Variants in NCEH1 observed in about 807,000 individuals in gnomAD.
NCEH1 encodes neutral cholesterol ester hydrolase 1, also known as 2-acetyl MAGE hydrolase.
Under a neutral mutation model 25.4 loss-of-function variants are expected in NCEH1, and 9 were observed. The ratio of observed to expected loss-of-function variants is 0.35; its 90% CI spans 0.21 to 0.62. The LOEUF (loss-of-function observed/expected upper bound fraction) is 0.62, where lower values mean the gene tolerates loss of function less well. Ranked by LOEUF, NCEH1 falls within the 20% of genes least tolerant of loss-of-function variation. The pLI is 0.72. For missense variants in NCEH1, 412 were observed against 501.1 expected, an observed-to-expected ratio of 0.82 and a Z score of 1.70; for synonymous variants, 200 against 199.8, an observed-to-expected ratio of 1.00 and a Z score of -0.01.
intron 1 of NCEH1, among the ~76,000 whole-genome samples, chr3:172,695,228 ACTT>A (rs1445367879): frequency 2.0e-5 from 3 of 152,194 alleles, no homozygotes; most frequent in African/African-American, 7.2e-5. Context: ...GCTTGTAAGT[ACTT>A]CTTCACTACC....
Position 172,631,152 on chromosome 3 carries a change from A to G in NCEH1, c.*2323T>C, listed in dbSNP as rs116251060. 1.5e-3 allele frequency: 234 copies of G among 152,276 alleles called. 1 individual carries two copies. The highest frequency in any genetic ancestry group is 5.4e-3 in the African/African-American group (225 of 41,570). 9.4% of individuals were successfully genotyped at this position (152,276 alleles called of 1,614,324 possible). ...CCTTTACTCCCTTTTCATCTGAGAG[A>G]GCCTTTTAGAGATCCGGAATCATTT... On this transcript the variant is annotated 3_prime_UTR_variant, in exon 5 of 5. Coordinates refer to ENST00000475381, the MANE Select transcript of NCEH1 (RefSeq NM_020792.6).
At chr3:172,665,975 C>T (rs1308966395) in intron 1 of NCEH1, among the ~76,000 whole-genome samples, 1 of 152,188 alleles carries the variant, frequency 6.6e-6, no homozygotes, top group Non-Finnish European at 1.5e-5. Context: ...TTGGCTCACA[C>T]TCCGTGGCTG....
intron 1 of NCEH1, among the ~76,000 whole-genome samples, chr3:172,660,232 T>C (rs1717911182): frequency 6.6e-6 from 1 of 151,792 alleles, no homozygotes; most frequent in African/African-American, 2.4e-5. Flanking sequence ...AGTGTTTGGT[T>C]TTCTGTCCTT....
intron 1 of NCEH1, among the ~76,000 whole-genome samples, chr3:172,688,613 T>C (rs6778153): frequency 0.19 from 28,784 of 152,190 alleles, 2,971 homozygotes; most frequent in South Asian, 0.26. Flanking sequence ...ATCATATTTA[T>C]ATAAGATATG....
At chr3:172,678,026 A>G (rs529797073) in intron 1 of NCEH1, among the ~76,000 whole-genome samples, 77 of 152,382 alleles carry the variant, frequency 5.1e-4, no homozygotes, top group African/African-American at 1.8e-3. Context: ...TGATTATTTT[A>G]AACACTGTCA....
chr3:172,660,837 A>T (rs1265261135), intron 1 of NCEH1, among the ~76,000 whole-genome samples: 1 of 152,008 alleles, frequency 6.6e-6, no homozygotes, highest in Non-Finnish European at 1.5e-5. Flanking sequence ...TTTTCTTGTA[A>T]ATTTGTTTAA....
chr3:172,696,441 C>T (rs566744095), intron 1 of NCEH1, among the ~76,000 whole-genome samples: 6 of 152,312 alleles, frequency 3.9e-5, no homozygotes, highest in Non-Finnish European at 8.8e-5. Context: ...ATATATTTCT[C>T]GTGTGCCAGG....
At chr3:172,637,312 A>T (rs1560177993) in intron 3 of NCEH1, among the ~76,000 whole-genome samples, 1 of 152,242 alleles carries the variant, frequency 6.6e-6, no homozygotes, top group Non-Finnish European at 1.5e-5. Context: ...AGGTAGGATA[A>T]AAACTAATTA....
chr3:172,667,903 C>T (rs11712263), intron 1 of NCEH1, among the ~76,000 whole-genome samples: 29,935 of 152,076 alleles, frequency 0.2, 3,275 homozygotes, highest in Middle Eastern at 0.26. Flanking sequence ...TTGGGCAGTC[C>T]CAGGGAAAAC....
Position 172,631,017 on chromosome 3 carries a change from T to TAAA in NCEH1, c.*2455_*2457dup, listed in dbSNP as rs780851993. On this transcript the variant is annotated 3_prime_UTR_variant, in exon 5 of 5. Coordinates refer to ENST00000475381, the MANE Select transcript of NCEH1 (RefSeq NM_020792.6). ...AAATAGGAAAAGAAAGCCACAGTAC[T>TAAA]AAAAAAAAAAAATCAATCTGCAGAG... 2.8e-5 allele frequency: 4 copies of TAAA among 144,410 alleles called. No homozygotes were observed. Among genetic ancestry groups the TAAA allele is most frequent in the East Asian group, 2.0e-4 (1 of 4,988 alleles). 8.9% of individuals were successfully genotyped at this position (144,410 alleles called of 1,614,324 possible). A position where few individuals can be genotyped will look rare whatever the true frequency, so the allele number is the denominator to read the frequency against.
At position 172,645,198 on chromosome 3, in the gene NCEH1, A is replaced by T. The variant is rs564522192; in HGVS notation, c.437+425T>A. Among the ~76,000 whole-genome samples, 4 of 152,310 alleles carry T rather than the reference A, an allele frequency of 2.6e-5. No homozygotes were observed. In the South Asian group the frequency reaches 8.3e-4, roughly 32 times the overall value. On this transcript the variant is annotated intron_variant, in intron 3 of 4. Coordinates refer to ENST00000475381, the MANE Select transcript of NCEH1 (RefSeq NM_020792.6). ...ACTATTACTACTAACCACACCATTA[A>T]AATTTGTTGAACACGTATTTCTGTT...
At chr3:172,691,829 C>T (rs1669434956) in intron 1 of NCEH1, among the ~76,000 whole-genome samples, 1 of 152,280 alleles carries the variant, frequency 6.6e-6, no homozygotes, top group African/African-American at 2.4e-5. Flanking sequence ...CACCTGTAGT[C>T]TCATCTACTC....
At chr3:172,664,259 C>A (rs1017331359) in intron 1 of NCEH1, among the ~76,000 whole-genome samples, 1 of 152,182 alleles carries the variant, frequency 6.6e-6, no homozygotes, top group Non-Finnish European at 1.5e-5. Flanking sequence ...GTTGAAAATT[C>A]TTTTCTTTAA....
chr3:172,677,965 A>G (rs2108518012), intron 1 of NCEH1, among the ~76,000 whole-genome samples: 1 of 152,358 alleles, frequency 6.6e-6, no homozygotes, highest in African/African-American at 2.4e-5. Context: ...AGAACTCTCA[A>G]AAGTTCGACT....
intron 1 of NCEH1, among the ~76,000 whole-genome samples, chr3:172,657,547 G>A (rs749692420): frequency 1.1e-4 from 16 of 152,016 alleles, no homozygotes; most frequent in Non-Finnish European, 2.2e-4. Flanking sequence ...TTGCTGCCTT[G>A]GCTAAGATGC....
chr3:172,710,967 G>C lies in NCEH1; in HGVS notation c.18C>G (p.Val6=). The C allele has an allele frequency of 1.2e-6, 2 of 1,614,110 alleles. No individual in the cohort carries two copies. Among genetic ancestry groups the C allele is most frequent in the South Asian group, 2.2e-5 (2 of 91,084 alleles). The change falls in exon 1 of 5, where the codon GTC becomes GTG. Residue 6 remains valine (V), a synonymous_variant. Coordinates refer to ENST00000475381, the MANE Select transcript of NCEH1 (RefSeq NM_020792.6). ...CCAGCGCCACCAGGGCGGTGAGCAG[G>C]ACACAGGACGACCTCATCTTGCCCT... The part of the protein sequence containing the change: MRSSC[V]LLTALVALAA...
intron 1 of NCEH1, among the ~76,000 whole-genome samples, chr3:172,658,517 T>C (rs1273330410): frequency 3.3e-5 from 5 of 152,206 alleles, no homozygotes; most frequent in Non-Finnish European, 7.3e-5. Context: ...TTGGACGGAA[T>C]TATTAAGCCA....
intron 1 of NCEH1, among the ~76,000 whole-genome samples, chr3:172,650,678 G>A (rs1717354870): frequency 6.6e-6 from 1 of 151,376 alleles, no homozygotes; most frequent in Non-Finnish European, 1.5e-5. Context: ...CAGGCATGGT[G>A]GCACATGCCT....
chr3:172,675,024 T>C (rs1164570455), intron 1 of NCEH1, among the ~76,000 whole-genome samples: 2 of 152,212 alleles, frequency 1.3e-5, no homozygotes, highest in Non-Finnish European at 2.9e-5. Context: ...AGAAAGGATT[T>C]TGTGGCCAGG....
Sources: allele counts gnomAD v4.1 joint callset (sites outside exome capture counted in the v4.1 genomes callset), GRCh38; gene constraint gnomAD v4.1.1; transcripts MANE v1.5; gene names NCBI Gene and HGNC (gene_info 2026-07-23, HGNC 2026-07-21).